SMAD2: variants seen among roughly 807,000 people sequenced by gnomAD.
The protein encoded by SMAD2 is MAD homolog 2.
In SMAD2, 8 loss-of-function variants were observed where a neutral mutation model predicts 64.4. The ratio of observed to expected loss-of-function variants is 0.12; its 90% CI spans 0.07 to 0.22. The LOEUF (loss-of-function observed/expected upper bound fraction) is 0.22, where lower values mean the gene tolerates loss of function less well. Among genes scored for constraint, SMAD2 ranks in the 10% least tolerant of loss-of-function variants. The pLI is 1.00. For synonymous variants in SMAD2, 203 were observed against 195.8 expected (o/e 1.04, Z -0.31); for missense variants, 289 against 561.2 (o/e 0.51, Z 4.90).
rs1912757552 is a variant in SMAD2 at position 47,826,380 on chromosome 18, T to C, written c.*15447A>G. The C allele has an allele frequency of 6.6e-6, 1 of 152,286 alleles. No individual in the cohort carries two copies. Among genetic ancestry groups the C allele is most frequent in the Non-Finnish European group, 1.5e-5 (1 of 68,056 alleles). 9.4% of individuals were successfully genotyped at this position (152,286 alleles called of 1,614,324 possible). A position where few individuals can be genotyped will look rare whatever the true frequency, so the allele number is the denominator to read the frequency against. ...GTTCTCTCCCTTGGTCTAATAACTC[T>C]GTAGTGCCTTTCCACACTGGGTTTA... On this transcript the variant is annotated 3_prime_UTR_variant, in exon 11 of 11. Coordinates refer to ENST00000262160, the MANE Select transcript of SMAD2 (RefSeq NM_005901.6).
intron 1 of SMAD2, among the ~76,000 whole-genome samples, chr18:47,901,982 C>G (rs565990863): frequency 1.1e-4 from 16 of 152,270 alleles, no homozygotes; most frequent in East Asian, 3.9e-4. Flanking sequence ...GTTCTCAAGT[C>G]GCTTCCCCTA....
rs918065938 is a variant in SMAD2, at chr18:47,831,686, T to C, written c.*10141A>G. 8.5e-5 allele frequency: 13 copies of C among 152,258 alleles called. No homozygotes were observed. Among genetic ancestry groups the C allele is most frequent in the African/African-American group, 2.4e-4 (10 of 41,480 alleles). 9.4% of individuals were successfully genotyped at this position (152,258 alleles called of 1,614,324 possible). On this transcript the variant is annotated 3_prime_UTR_variant, in exon 11 of 11. Transcript: ENST00000262160. ...TGTTCATTTATCACTGAATCTGTTA[T>C]CTGCTAAGTCTGATTCAATGTTCTT... is the stretch of plus-strand genomic sequence containing the variant.
In SMAD2 at chr18:47,840,716, A is replaced by C. The variant is rs1913858250; in HGVS notation, c.*1111T>G. ...ATTTCATAATGCAATCTGGTTACTA[A>C]ACCAAATCAAACTACTCGAAGAGCA... On this transcript the variant is annotated 3_prime_UTR_variant, in exon 11 of 11. Transcript: ENST00000262160. 4.3e-6 allele frequency: 1 copy of C among 231,474 alleles called. No individual in the cohort carries two copies. The highest frequency in any genetic ancestry group is 6.1e-5 in the East Asian group (1 of 16,306). 14.3% of individuals were successfully genotyped at this position (231,474 alleles called of 1,614,324 possible). A position where few individuals can be genotyped will look rare whatever the true frequency, so the allele number is the denominator to read the frequency against.
rs992762388 is a variant in SMAD2, at chr18:47,815,518, T to C, written c.*26309A>G. 5.9e-5 allele frequency: 9 copies of C among 152,258 alleles called. No individual in the cohort carries two copies. Among genetic ancestry groups the C allele is most frequent in the African/African-American group, 2.2e-4 (9 of 41,472 alleles). 9.4% of individuals were successfully genotyped at this position (152,258 alleles called of 1,614,324 possible). A position where few individuals can be genotyped will look rare whatever the true frequency, so the allele number is the denominator to read the frequency against. ...GACCTGCTAAAGCAGAATCTCACAA[T>C]TGAGGCCAGGGAACCTACATTTTAG... On this transcript the variant is annotated 3_prime_UTR_variant, in exon 11 of 11. Transcript: ENST00000262160.
intron 1 of SMAD2, among the ~76,000 whole-genome samples, chr18:47,908,526 C>CT (rs1411289282): frequency 6.6e-5 from 10 of 152,006 alleles, no homozygotes; most frequent in Admixed American, 6.5e-4. Flanking sequence ...AGATACTACT[C>CT]TATCATTTAC....
At chr18:47,842,178 T>A (rs535023492) in intron 10 of SMAD2, among the ~76,000 whole-genome samples, 1 of 152,330 alleles carries the variant, frequency 6.6e-6, no homozygotes, top group South Asian at 2.1e-4. Context: ...CGCACTAAAA[T>A]TAATAAGGTG....
chr18:47,811,023 A>G lies in SMAD2; in HGVS notation c.*30804T>C, dbSNP rs1310609551. On this transcript the variant is annotated 3_prime_UTR_variant, in exon 11 of 11. Transcript: ENST00000262160. ...GATCCCCCAAGGAGTGGAATGCAGT[A>G]GCTACAGTTTCAACTGACACACATC... The G allele has an allele frequency of 1.3e-5, 2 of 152,268 alleles. No individual in the cohort carries two copies. Among genetic ancestry groups the G allele is most frequent in the Non-Finnish European group, 2.9e-5 (2 of 68,066 alleles). The allele number at this position is 152,268 out of a possible 1,614,324, so 9.4% of individuals were successfully genotyped here.
chr18:47,849,583 G>C (rs1187341157), intron 7 of SMAD2, among the ~76,000 whole-genome samples: 1 of 151,930 alleles, frequency 6.6e-6, no homozygotes, highest in Non-Finnish European at 1.5e-5. Context: ...AGATGTTCAA[G>C]TCCCTGACAT....
intron 2 of SMAD2, among the ~76,000 whole-genome samples, chr18:47,882,198 C>A (rs1302649549): frequency 1.4e-5 from 2 of 145,816 alleles, no homozygotes; most frequent in Admixed American, 6.8e-5. Context: ...ATTAATTTTT[C>A]TTTTTTCGGG....
chr18:47,849,663 A>C (rs1228412080), intron 7 of SMAD2, among the ~76,000 whole-genome samples: 3 of 152,216 alleles, frequency 2.0e-5, no homozygotes. Context: ...TCTCTAGATT[A>C]CTTATAATAC....
chr18:47,830,319 G>GT lies in SMAD2; in HGVS notation c.*11507dup, dbSNP rs1264002856. 1 of 152,134 alleles carries GT rather than the reference G, an allele frequency of 6.6e-6. No homozygotes were observed. Among genetic ancestry groups the GT allele is most frequent in the Non-Finnish European group, 1.5e-5 (1 of 68,034 alleles). 9.4% of individuals were successfully genotyped at this position (152,134 alleles called of 1,614,324 possible). A position where few individuals can be genotyped will look rare whatever the true frequency, so the allele number is the denominator to read the frequency against. On this transcript the variant is annotated 3_prime_UTR_variant, in exon 11 of 11. Coordinates refer to ENST00000262160, the MANE Select transcript of SMAD2 (RefSeq NM_005901.6). ...CAGCCAGGCATGATGGCTCACGCCT[G>GT]TAATTCCAGCACTTTGGGAGGCCGA... is the stretch of plus-strand genomic sequence containing the variant.
At chr18:47,909,580 T>G (rs1357313367) in intron 1 of SMAD2, among the ~76,000 whole-genome samples, 1 of 152,146 alleles carries the variant, frequency 6.6e-6, no homozygotes, top group Admixed American at 6.5e-5. Context: ...ACAGGCTAAC[T>G]CTACTGTTTT....
At chr18:47,842,934 C>T (rs1337806546) in intron 10 of SMAD2, among the ~76,000 whole-genome samples, 1 of 152,176 alleles carries the variant, frequency 6.6e-6, no homozygotes, top group Non-Finnish European at 1.5e-5. Context: ...GTCAATAAAT[C>T]CACTTGCTTC....
chr18:47,915,847 C>A (rs1238173379), intron 1 of SMAD2, among the ~76,000 whole-genome samples: 5 of 152,150 alleles, frequency 3.3e-5, no homozygotes, highest in African/African-American at 1.2e-4. Flanking sequence ...CTACTGACTT[C>A]TATTACTATT....
intron 2 of SMAD2, among the ~76,000 whole-genome samples, chr18:47,875,051 AAAT>A (rs2032190330): frequency 1.3e-5 from 2 of 152,160 alleles, no homozygotes. Context: ...TATAAGAGAC[AAAT>A]AATAACATGC....
chr18:47,870,349 T>C (rs2031859142), intron 3 of SMAD2, 126 bp downstream of exon 3: 2 of 712,274 alleles, frequency 2.8e-6, no homozygotes, highest in Admixed American at 4.2e-5. Context: ...TTTTAAATGC[T>C]ATGCCTTATT....
chr18:47,853,759 CACAA>C, intron 6 of SMAD2, among the ~76,000 whole-genome samples: 1 of 28,762 alleles, frequency 3.5e-5, no homozygotes, highest in South Asian at 1.6e-3. Context: ...GCTGGCAAGT[CACAA>C]ATCTGCTGGC....
rs568729603 is a variant in SMAD2, at chr18:47,911,307, C to T, written c.-53-14498G>A. On this transcript the variant is annotated intron_variant, in intron 1 of 10. Coordinates refer to ENST00000262160, the MANE Select transcript of SMAD2 (RefSeq NM_005901.6). ...CAGAGGTTGCAGTGAGCCAAAACCA[C>T]GCCACTGCACTCTAGTCTGGGCAAC... Among the ~76,000 whole-genome samples, 21 of 150,896 alleles carry T rather than the reference C, an allele frequency of 1.4e-4. No homozygotes were observed. The South Asian group carries it at 3.6e-3, about 26-fold the overall frequency.
chr18:47,870,477 G>A lies in SMAD2; in HGVS notation c.324C>T (p.Thr108=), dbSNP rs2144383900. 6.2e-7 allele frequency: 1 copy of A among 1,608,008 alleles called. No homozygotes were observed. Among genetic ancestry groups the A allele is most frequent in the Non-Finnish European group, 8.5e-7 (1 of 1,174,576 alleles). Residue 108 remains threonine (T), a splice_region_variant and synonymous_variant, in exon 3 of 11, where the codon ACC becomes ACT. Transcript: ENST00000262160. ...TTGLYSFSEQ[T]RSLDGRLQVS... ...TCGACAGAGGGCAGAATATTCACCT[G>A]GTTTGTTCAGAGAAGCTGTAAAGGC...
Sources: allele counts gnomAD v4.1 joint callset (sites outside exome capture counted in the v4.1 genomes callset), GRCh38; gene constraint gnomAD v4.1.1; transcripts MANE v1.5; gene names NCBI Gene and HGNC (gene_info 2026-07-23, HGNC 2026-07-21).